Variants in PREX2 observed in about 807,000 individuals in gnomAD.
The protein encoded by PREX2 is phosphatidylinositol-3,4,5-trisphosphate dependent Rac exchange factor 2.
A neutral mutation model predicts 203.2 loss-of-function variants in PREX2; 107 were observed. The observed-to-expected ratio is 0.53, with a 90% CI of 0.45 to 0.62. PREX2 has a LOEUF of 0.62. Ranked by LOEUF, PREX2 falls within the 20% of genes least tolerant of loss-of-function variation. The pLI is 0.00. For synonymous variants in PREX2, 672 were observed against 663.6 expected (o/e 1.01, Z -0.19); for missense variants, 1,777 against 1,955.9 (o/e 0.91, Z 1.72).
chr8:68,008,200 T>G (rs903227212), intron 1 of PREX2, among the ~76,000 whole-genome samples: 1 of 152,224 alleles, frequency 6.6e-6, no homozygotes, highest in Non-Finnish European at 1.5e-5. Flanking sequence ...TGATTTGAAG[T>G]GCCACCTGTT....
chr8:68,029,771 G>T (rs1353810530), intron 5 of PREX2, among the ~76,000 whole-genome samples: 1 of 151,978 alleles, frequency 6.6e-6, no homozygotes, highest in Non-Finnish European at 1.5e-5. Context: ...AACTAACAAG[G>T]GCTTTCAATA....
At chr8:68,072,456 T>G (rs1809225729) in intron 13 of PREX2, 39 bp from the exon 14 acceptor site, 1 of 1,139,958 alleles carries the variant, frequency 8.8e-7, no homozygotes, top group Non-Finnish European at 1.3e-6. Flanking sequence ...TGCTTAATTT[T>G]TGTTTTTTGT....
At chr8:68,101,694 T>G (rs1439999674) in intron 23 of PREX2, among the ~76,000 whole-genome samples, 1 of 152,190 alleles carries the variant, frequency 6.6e-6, no homozygotes, top group Non-Finnish European at 1.5e-5. Context: ...AGAGAGTTGT[T>G]CTACTTTAGA....
chr8:68,206,623 G>A (rs1178029580), intron 37 of PREX2, among the ~76,000 whole-genome samples: 1 of 152,156 alleles, frequency 6.6e-6, no homozygotes, highest in Admixed American at 6.5e-5. Flanking sequence ...TTCAAGACTA[G>A]GGTTTTATTT....
intron 1 of PREX2, among the ~76,000 whole-genome samples, chr8:68,001,388 A>G (rs552319817): frequency 1.4e-4 from 21 of 152,190 alleles, no homozygotes; most frequent in Non-Finnish European, 2.5e-4. Flanking sequence ...CAAAACCACA[A>G]TGGAGTTACC....
At chr8:68,068,350 C>A (rs1334508369) in intron 11 of PREX2, among the ~76,000 whole-genome samples, 1 of 151,922 alleles carries the variant, frequency 6.6e-6, no homozygotes, top group East Asian at 1.9e-4. Context: ...ATATGAAAGT[C>A]TTATCTTGAG....
intron 11 of PREX2, among the ~76,000 whole-genome samples, chr8:68,061,636 A>G (rs989359583): frequency 2.6e-5 from 4 of 152,180 alleles, no homozygotes; most frequent in African/African-American, 4.8e-5. Context: ...GAGAGAGATT[A>G]AAGTATTCTG....
intron 14 of PREX2, among the ~76,000 whole-genome samples, chr8:68,075,128 G>A (rs559586932): frequency 3.3e-5 from 5 of 152,154 alleles, no homozygotes; most frequent in African/African-American, 1.2e-4. Flanking sequence ...ACATCCATGC[G>A]GTCTTACTGT....
At chr8:68,002,055 C>A (rs1008472682) in intron 1 of PREX2, among the ~76,000 whole-genome samples, 18 of 151,490 alleles carry the variant, frequency 1.2e-4, no homozygotes. Context: ...ATGTAACAAA[C>A]CTGCATATGT....
chr8:68,147,152 T>C (rs1811345258), intron 34 of PREX2, among the ~76,000 whole-genome samples: 1 of 152,212 alleles, frequency 6.6e-6, no homozygotes, highest in African/African-American at 2.4e-5. Context: ...TTTTATTTTT[T>C]TCTTCTTTTG....
At chr8:67,977,438 C>G (rs1806141222) in intron 1 of PREX2, among the ~76,000 whole-genome samples, 1 of 152,126 alleles carries the variant, frequency 6.6e-6, no homozygotes, top group East Asian at 1.9e-4. Flanking sequence ...ATAAATTTCA[C>G]CAGTTAAACA....
rs779731432 is a variant in PREX2, at chr8:68,038,184, C to T, written c.731C>T (p.Thr244Ile). 6.2e-7 allele frequency: 1 copy of T among 1,613,746 alleles called. No homozygotes were observed. Among genetic ancestry groups the T allele is most frequent in the South Asian group, 1.1e-5 (1 of 91,060 alleles). The change falls in exon 7 of 40, where the codon ACT becomes ATT. Residue 244 changes from threonine to isoleucine, a missense_variant. Thr to Ile is a moderately conservative substitution (Grantham distance 89). Coordinates refer to ENST00000288368, the MANE Select transcript of PREX2 (RefSeq NM_024870.4). ...GGGTCCAACATCACTGACACCTGCACTGAAATGCTAATGTGTGGAGTCTTA... is the reference window on the plus strand; with the variant it reads ...GGGTCCAACATCACTGACACCTGCATTGAAATGCTAATGTGTGGAGTCTTA... ...WEGSNITDTC[T>I]EMLMCGVLLK...
intron 30 of PREX2, among the ~76,000 whole-genome samples, chr8:68,126,833 G>C (rs990377120): frequency 1.3e-5 from 2 of 151,778 alleles, no homozygotes; most frequent in Non-Finnish European, 2.9e-5. Context: ...GTTGGAGTTG[G>C]AAGAAGAGTA....
chr8:67,989,643 CTTAGCGA>C (rs1379317511), intron 1 of PREX2, among the ~76,000 whole-genome samples: 2 of 152,058 alleles, frequency 1.3e-5, no homozygotes, highest in African/African-American at 4.8e-5. Context: ...ATGACTTTAC[CTTAGCGA>C]TTTAAAGTTG....
intron 1 of PREX2, among the ~76,000 whole-genome samples, chr8:68,006,022 A>G (rs149556078): frequency 6.6e-6 from 1 of 152,354 alleles, no homozygotes; most frequent in Non-Finnish European, 1.5e-5. Context: ...ATTTTGGGAT[A>G]TATTGTTGAA....
At position 68,099,749 on chromosome 8, in the gene PREX2, A is replaced by T. The variant is rs375822811; in HGVS notation, c.2621A>T (p.Asn874Ile). ...VQNCTSLNSL[N>I]EVIPTDLQSK... ...AACTGTACCAGCCTAAATTCTCTAA[A>T]TGAAGTGATTCCTACTGACCTTCAG... The change falls in exon 23 of 40, where the codon AAT becomes ATT. Residue 874 changes from asparagine (N) to isoleucine (I), a missense_variant. By Grantham distance (149) the Asn-to-Ile change is moderately radical (BLOSUM62 -3). Coordinates refer to ENST00000288368, the MANE Select transcript of PREX2 (RefSeq NM_024870.4). 14 of 1,613,992 alleles carry T rather than the reference A, an allele frequency of 8.7e-6. No homozygotes were observed. Among genetic ancestry groups the T allele is most frequent in the Non-Finnish European group, 1.1e-5 (13 of 1,179,934 alleles).
chr8:68,022,750 G>A (rs1437048768), intron 4 of PREX2, among the ~76,000 whole-genome samples: 1 of 151,894 alleles, frequency 6.6e-6, no homozygotes, highest in African/African-American at 2.4e-5. Context: ...GATCATTTTT[G>A]TCACCTCAGA....
chr8:68,046,513 G>A (rs532900103), intron 8 of PREX2, among the ~76,000 whole-genome samples: 1 of 152,174 alleles, frequency 6.6e-6, no homozygotes, highest in East Asian at 1.9e-4. Flanking sequence ...CAGCCTACAG[G>A]TCCCCAGTTC....
intron 35 of PREX2, among the ~76,000 whole-genome samples, chr8:68,184,127 T>TG (rs553493102): frequency 2.8e-4 from 42 of 152,148 alleles, no homozygotes; most frequent in African/African-American, 9.2e-4. Context: ...GGAAGGTAGG[T>TG]GGGATAGAGG....
Sources: gnomAD v4.1 joint callset for allele counts (sites outside exome capture counted in the v4.1 genomes callset) on GRCh38, gnomAD v4.1.1 for gene constraint, MANE v1.5 for transcripts, NCBI Gene and HGNC (gene_info 2026-07-23, HGNC 2026-07-21) for gene names.